NRXN1: variants seen among roughly 807,000 people sequenced by gnomAD.
NRXN1 encodes neurexin-1.
In NRXN1, 39 loss-of-function variants were observed where a neutral mutation model predicts 150.9. The ratio of observed to expected loss-of-function variants is 0.26; its 90% confidence interval spans 0.20 to 0.34. The LOEUF is 0.34. NRXN1 is among the 10% of genes least tolerant of loss of function. The pLI is 1.00. For synonymous variants in NRXN1, 924 were observed against 757.0 expected (o/e 1.22, Z -3.62); for missense variants, 1,815 against 1,949.9 (o/e 0.93, Z 1.30).
intron 5 of NRXN1, among the ~76,000 whole-genome samples, chr2:50,658,826 T>C (rs1426598940): frequency 1.3e-5 from 2 of 152,066 alleles, no homozygotes; most frequent in Non-Finnish European, 2.9e-5. Context: ...TTGAAGAACT[T>C]TCTTCTCCCT....
intron 8 of NRXN1, among the ~76,000 whole-genome samples, chr2:50,567,512 T>A (rs1163734886): frequency 1.3e-5 from 2 of 152,140 alleles, no homozygotes; most frequent in Non-Finnish European, 2.9e-5. Context: ...CAATGAAATA[T>A]TTTTAAAACT....
At chr2:50,184,027 C>T (rs2060909526) in intron 18 of NRXN1, among the ~76,000 whole-genome samples, 1 of 151,970 alleles carries the variant, frequency 6.6e-6, no homozygotes, top group South Asian at 2.1e-4. Flanking sequence ...CTATGTACAA[C>T]ATTTTGTAAC....
At chr2:50,119,258 A>G (rs2152734039) in intron 18 of NRXN1, among the ~76,000 whole-genome samples, 1 of 152,276 alleles carries the variant, frequency 6.6e-6, no homozygotes, top group East Asian at 1.9e-4. Flanking sequence ...AAAATCTTTT[A>G]AAAATAATTT....
chr2:50,404,604 G>A (rs1333730997), intron 17 of NRXN1, among the ~76,000 whole-genome samples: 1 of 152,012 alleles, frequency 6.6e-6, no homozygotes. Flanking sequence ...TAAACTATAG[G>A]CTCTAGCTAG....
At chr2:50,099,429 G>A (rs1373618218) in intron 18 of NRXN1, among the ~76,000 whole-genome samples, 1 of 151,826 alleles carries the variant, frequency 6.6e-6, no homozygotes, top group African/African-American at 2.4e-5. Flanking sequence ...ATATGGTTCA[G>A]TGGTTTTAGT....
chr2:50,558,455 TA>T (rs898612717), intron 8 of NRXN1, among the ~76,000 whole-genome samples: 1 of 152,232 alleles, frequency 6.6e-6, no homozygotes, highest in African/African-American at 2.4e-5. Flanking sequence ...ATGTGCGTTC[TA>T]AATACCAGTA....
intron 21 of NRXN1, among the ~76,000 whole-genome samples, chr2:49,977,176 G>A (rs527876063): frequency 3.0e-4 from 46 of 152,104 alleles, no homozygotes; most frequent in Non-Finnish European, 4.6e-4. Flanking sequence ...AAATGAATTG[G>A]CCAAATTAAG....
intron 2 of NRXN1, among the ~76,000 whole-genome samples, chr2:50,984,800 T>G (rs974589512): frequency 6.6e-6 from 1 of 151,988 alleles, no homozygotes; most frequent in African/African-American, 2.4e-5. Flanking sequence ...ATCAAGTCAG[T>G]GACAAAGGGA....
intron 20 of NRXN1, among the ~76,000 whole-genome samples, chr2:50,053,837 A>ATG (rs1693177831): frequency 2.0e-5 from 3 of 151,376 alleles, no homozygotes; most frequent in Non-Finnish European, 2.9e-5. Flanking sequence ...AAAGATATGT[A>ATG]TTACAAATCA....
At chr2:50,305,434 G>C (rs1222527681) in intron 17 of NRXN1, among the ~76,000 whole-genome samples, 1 of 152,128 alleles carries the variant, frequency 6.6e-6, no homozygotes, top group Non-Finnish European at 1.5e-5. Context: ...TAATTCCAAT[G>C]ATGATCCAAT....
chr2:50,050,335 T>C (rs17039714), intron 21 of NRXN1, among the ~76,000 whole-genome samples: 3,326 of 152,134 alleles, frequency 0.022, 123 homozygotes, highest in African/African-American at 0.076. Context: ...TCTCATCTAT[T>C]TGAAATGAGT....
intron 17 of NRXN1, among the ~76,000 whole-genome samples, chr2:50,296,352 T>C (rs1484237987): frequency 1.3e-5 from 2 of 152,126 alleles, no homozygotes; most frequent in African/African-American, 2.4e-5. Context: ...GAACAACATC[T>C]TTTTTGTTCT....
At chr2:49,947,362 C>A (rs1245951181) in intron 21 of NRXN1, among the ~76,000 whole-genome samples, 1 of 152,102 alleles carries the variant, frequency 6.6e-6, no homozygotes, top group East Asian at 1.9e-4. Context: ...CCTTCCTCCA[C>A]CTGGAGGCAC....
Position 50,032,178 on chromosome 2 carries a change from G to C in NRXN1, c.4128+21093C>G, listed in dbSNP as rs142018468. On this transcript the variant is annotated intron_variant, in intron 21 of 22. Coordinates refer to ENST00000401669, the MANE Select transcript of NRXN1 (RefSeq NM_001330078.2). ...GAAAGAATATGATTCTAAATATACT[G>C]AAAGTCTGGTGACATGTACAAGACA... is the stretch of plus-strand genomic sequence containing the variant. Among the ~76,000 whole-genome samples, 584 of 152,092 alleles carry C rather than the reference G, an allele frequency of 3.8e-3. 5 individuals carry two copies. Among genetic ancestry groups the C allele is most frequent in the African/African-American group, 0.013 (521 of 41,516 alleles).
At chr2:50,266,173 A>G (rs1290497373) in intron 17 of NRXN1, among the ~76,000 whole-genome samples, 4 of 149,110 alleles carry the variant, frequency 2.7e-5, no homozygotes. Flanking sequence ...TAATTTTTGT[A>G]GTTTTAGTAG....
chr2:50,621,108 A>T, intron 7 of NRXN1, 118 bp downstream of exon 7: 1 of 820,596 alleles, frequency 1.2e-6, no homozygotes, highest in Non-Finnish European at 1.9e-6. Flanking sequence ...AAGAGTACCA[A>T]CCGCAGTTCC....
At chr2:50,045,583 A>AGG (rs1691680617) in intron 21 of NRXN1, among the ~76,000 whole-genome samples, 1 of 152,224 alleles carries the variant, frequency 6.6e-6, no homozygotes, top group Non-Finnish European at 1.5e-5. Context: ...ATAAATCAAC[A>AGG]GGTGTAACAC....
chr2:50,154,771 C>A (rs2058912728), intron 18 of NRXN1, among the ~76,000 whole-genome samples: 1 of 151,060 alleles, frequency 6.6e-6, no homozygotes. Context: ...AAGAATTTTT[C>A]AAAAGAAAGT....
chr2:50,117,708 T>C (rs1307314291), intron 18 of NRXN1, among the ~76,000 whole-genome samples: 1 of 150,532 alleles, frequency 6.6e-6, no homozygotes, highest in African/African-American at 2.5e-5. Flanking sequence ...TACACAGCCA[T>C]AGAAGAGTTT....
Sources: allele counts gnomAD v4.1 joint callset (sites outside exome capture counted in the v4.1 genomes callset), GRCh38; gene constraint gnomAD v4.1.1; transcripts MANE v1.5; gene names NCBI Gene and HGNC (gene_info 2026-07-23, HGNC 2026-07-21).